Variants in CTNND2 observed in about 807,000 individuals in gnomAD.
The protein encoded by CTNND2 is catenin delta-2.
A neutral mutation model predicts 144.4 loss-of-function variants in CTNND2; 22 were observed. The ratio of observed to expected loss-of-function variants is 0.15; its 90% CI spans 0.11 to 0.22. The LOEUF is 0.22. Among genes scored for constraint, CTNND2 ranks in the 10% least tolerant of loss-of-function variants. The pLI is 1.00. For synonymous variants in CTNND2, 751 were observed against 695.6 expected, an observed-to-expected ratio of 1.08 and a Z score of -1.25; for missense variants, 1,353 against 1,618.8, an observed-to-expected ratio of 0.84 and a Z score of 2.82.
intron 10 of CTNND2, among the ~76,000 whole-genome samples, chr5:11,203,378 G>A (rs992037246): frequency 4.6e-5 from 7 of 152,218 alleles, no homozygotes; most frequent in Admixed American, 3.9e-4. Context: ...ATCATTGCAG[G>A]TCAGTTTACC....
intron 2 of CTNND2, among the ~76,000 whole-genome samples, chr5:11,579,598 G>C (rs1778253415): frequency 6.6e-6 from 1 of 152,190 alleles, no homozygotes; most frequent in Non-Finnish European, 1.5e-5. Flanking sequence ...TGATACAGCA[G>C]CTTCTAGCAA....
chr5:11,009,642 T>G (rs1740847107), intron 18 of CTNND2, among the ~76,000 whole-genome samples: 1 of 152,202 alleles, frequency 6.6e-6, no homozygotes. Context: ...CTGGGGTATT[T>G]TTGTAGGGTT....
intron 1 of CTNND2, among the ~76,000 whole-genome samples, chr5:11,883,291 C>A (rs1190352006): frequency 6.6e-6 from 1 of 152,098 alleles, no homozygotes; most frequent in Non-Finnish European, 1.5e-5. Context: ...ATCAACCTGT[C>A]ACCTACATTA....
chr5:11,472,918 C>CA (rs1229094668), intron 3 of CTNND2, among the ~76,000 whole-genome samples: 1 of 151,988 alleles, frequency 6.6e-6, no homozygotes, highest in Admixed American at 6.6e-5. Context: ...CACCTGTCTT[C>CA]AAAAAATTAT....
intron 10 of CTNND2, among the ~76,000 whole-genome samples, chr5:11,223,242 C>G (rs986564090): frequency 2.6e-5 from 4 of 152,210 alleles, no homozygotes; most frequent in Admixed American, 6.5e-5. Context: ...CCCTGTGACC[C>G]TGCCCTTGTC....
rs896387162 is a variant in CTNND2, at chr5:11,762,126, A to G, written c.38-29854T>C. Among the ~76,000 whole-genome samples, 6 of 152,180 alleles carry G rather than the reference A, an allele frequency of 3.9e-5. No individual in the cohort carries two copies. In the East Asian group the frequency reaches 1.2e-3, roughly 29 times the overall value. On this transcript the variant is annotated intron_variant, in intron 1 of 21. Transcript: ENST00000304623. ...TATAACTGGATGAAATCTCAATTTC[A>G]CGTTGTCAATTCTAGAGTCCCCTAC...
At chr5:11,170,491 C>T (rs1002264626) in intron 11 of CTNND2, among the ~76,000 whole-genome samples, 4 of 152,134 alleles carry the variant, frequency 2.6e-5, no homozygotes, top group South Asian at 4.1e-4. Flanking sequence ...TTAAAAAGAA[C>T]TTTCAGCTTT....
chr5:11,772,314 T>C (rs10054973), intron 1 of CTNND2, among the ~76,000 whole-genome samples: 14,511 of 152,222 alleles, frequency 0.095, 1,867 homozygotes, highest in African/African-American at 0.29. Flanking sequence ...TGCATTCATT[T>C]TGGAAAAGAG....
At chr5:11,801,371 C>A (rs898206616) in intron 1 of CTNND2, among the ~76,000 whole-genome samples, 12 of 152,334 alleles carry the variant, frequency 7.9e-5, no homozygotes, top group African/African-American at 2.9e-4. Context: ...TTCTGAACCT[C>A]TTTTAACTCT....
At chr5:11,632,373 T>A (rs1272155946) in intron 2 of CTNND2, among the ~76,000 whole-genome samples, 1 of 152,136 alleles carries the variant, frequency 6.6e-6, no homozygotes, top group South Asian at 2.1e-4. Context: ...ACTGTGTACC[T>A]GACTAAGGAT....
chr5:11,895,621 G>A (rs1262103847), intron 1 of CTNND2, among the ~76,000 whole-genome samples: 2 of 151,750 alleles, frequency 1.3e-5, no homozygotes, highest in Non-Finnish European at 2.9e-5. Flanking sequence ...AAGAACTCCT[G>A]TAGGACAAGT....
chr5:11,004,084 T>C (rs1403265911), intron 18 of CTNND2, among the ~76,000 whole-genome samples: 3 of 152,206 alleles, frequency 2.0e-5, no homozygotes, highest in African/African-American at 7.2e-5. Context: ...AAGTATACCA[T>C]TGTTAACCGC....
At chr5:11,246,390 C>T (rs1013496311) in intron 9 of CTNND2, among the ~76,000 whole-genome samples, 2 of 151,874 alleles carry the variant, frequency 1.3e-5, no homozygotes, top group Non-Finnish European at 2.9e-5. Flanking sequence ...AGAGAGTGCC[C>T]TCATAAGAGA....
intron 12 of CTNND2, among the ~76,000 whole-genome samples, chr5:11,140,445 C>T (rs912037325): frequency 3.3e-5 from 5 of 152,162 alleles, no homozygotes; most frequent in African/African-American, 4.8e-5. Context: ...TACATTCAAA[C>T]GATTGTTTTT....
intron 2 of CTNND2, among the ~76,000 whole-genome samples, chr5:11,569,288 GAAATC>G (rs1777373816): frequency 6.6e-6 from 1 of 152,106 alleles, no homozygotes; most frequent in Admixed American, 6.6e-5. Flanking sequence ...CCACTATGTG[GAAATC>G]AACTTATGTA....
chr5:11,394,092 C>A (rs571917617), intron 6 of CTNND2, among the ~76,000 whole-genome samples: 1 of 152,236 alleles, frequency 6.6e-6, no homozygotes, highest in African/African-American at 2.4e-5. Context: ...AAAGTCTCCT[C>A]GAGGTCCCTA....
chr5:11,199,347 A>C, intron 11 of CTNND2, 101 bp downstream of exon 11: 1 of 1,068,582 alleles, frequency 9.4e-7, no homozygotes, highest in Admixed American at 1.9e-5. Context: ...CTATGTTATT[A>C]GAACACCACA....
At chr5:11,212,788 C>G (rs1213112979) in intron 10 of CTNND2, among the ~76,000 whole-genome samples, 1 of 152,132 alleles carries the variant, frequency 6.6e-6, no homozygotes, top group Non-Finnish European at 1.5e-5. Context: ...AGGGCCTGGG[C>G]CTGGGCCTGC....
intron 11 of CTNND2, among the ~76,000 whole-genome samples, chr5:11,197,507 C>G (rs969209706): frequency 4.6e-5 from 7 of 152,146 alleles, no homozygotes; most frequent in Admixed American, 4.6e-4. Flanking sequence ...AAGAGTGTAT[C>G]CTCTCCATAC....
Sources: allele counts gnomAD v4.1 joint callset (sites outside exome capture counted in the v4.1 genomes callset), GRCh38; gene constraint gnomAD v4.1.1; transcripts MANE v1.5; gene names NCBI Gene and HGNC (gene_info 2026-07-23, HGNC 2026-07-21).